The following FANCB variants were observed in gnomAD, a reference collection of about 807,000 sequenced individuals.
FANCB encodes the protein Fanconi anemia group B protein.
In FANCB, 5 loss-of-function variants were observed where a neutral mutation model predicts 38.9. The ratio of observed to expected loss-of-function variants is 0.13; its 90% CI spans 0.07 to 0.27. The LOEUF is 0.27. Ranked by LOEUF, FANCB falls within the 10% of genes least tolerant of loss-of-function variation. FANCB has a pLI of 1.00. For missense variants in FANCB, 573 were observed against 602.7 expected (o/e 0.95, Z 0.52); for synonymous variants, 236 against 215.4 (o/e 1.10, Z -0.84).
At chrX:14,734,919 G>GTT in the FANCB span, among the ~76,000 whole-genome samples, 11 of 96,371 alleles carry the variant, frequency 1.1e-4, no homozygotes, top group East Asian at 2.0e-3. Flanking sequence ...GCTTTGTTCG[G>GTT]TTTTTTTTTT....
chrX:14,782,844 T>G, the FANCB span, among the ~76,000 whole-genome samples: 3 of 111,815 alleles, frequency 2.7e-5, no homozygotes, highest in African/African-American at 9.8e-5. Flanking sequence ...AAATGCAGAT[T>G]CTTATTCTAG....
At chrX:14,697,649 C>T in the FANCB span, among the ~76,000 whole-genome samples, 2 of 111,032 alleles carry the variant, frequency 1.8e-5, no homozygotes, top group African/African-American at 6.6e-5. Flanking sequence ...TGGGTCACTG[C>T]TGCCCCTACT....
At chrX:14,858,955 C>CTTAAATTTG (rs2092434857) in intron 4 of FANCB, among the ~76,000 whole-genome samples, 2 of 110,863 alleles carry the variant, frequency 1.8e-5, no homozygotes, top group East Asian at 5.6e-4. Flanking sequence ...AAGTGACCAC[C>CTTAAATTTG]AAATGTACTA....
chrX:14,811,253 A>T, the FANCB span, among the ~76,000 whole-genome samples: 1 of 111,681 alleles, frequency 9.0e-6, no homozygotes, highest in Non-Finnish European at 1.9e-5. Context: ...AAGAAACTGC[A>T]TCAACTAACA....
chrX:14,693,053 AAAAAG>A, the FANCB span, among the ~76,000 whole-genome samples: 105 of 98,636 alleles, frequency 1.1e-3, no homozygotes, highest in South Asian at 0.014. Context: ...AACAAAAAAA[AAAAAG>A]AAAGAGGGAA....
At chrX:14,699,166 T>C in the FANCB span, among the ~76,000 whole-genome samples, 635 of 112,255 alleles carry the variant, frequency 5.7e-3, 4 homozygotes, top group Non-Finnish European at 8.3e-3. Flanking sequence ...TTTAATGTTA[T>C]CGCCTCTGCT....
chrX:14,859,442 C>A, intron 3 of FANCB, 108 bp from the exon 4 acceptor site: 3 of 525,051 alleles, frequency 5.7e-6, no homozygotes, highest in East Asian at 3.6e-5. Context: ...AAAACTCAAT[C>A]TTATAAATGA....
the FANCB span, among the ~76,000 whole-genome samples, chrX:14,820,444 A>G: frequency 8.9e-6 from 1 of 112,046 alleles, no homozygotes; most frequent in Non-Finnish European, 1.9e-5. Flanking sequence ...TATCCATTGT[A>G]TTGGTATTAT....
At chrX:14,861,802 T>C (rs1437232110) in intron 3 of FANCB, among the ~76,000 whole-genome samples, 3 of 112,366 alleles carry the variant, frequency 2.7e-5, no homozygotes, top group East Asian at 5.5e-4. Flanking sequence ...TTATTTCTAC[T>C]CCCACTTTAT....
At chrX:14,822,813 AT>A in the FANCB span, among the ~76,000 whole-genome samples, 1 of 111,188 alleles carries the variant, frequency 9.0e-6, no homozygotes. Flanking sequence ...TATTAACTTT[AT>A]TTCTAGATTT....
the FANCB span, among the ~76,000 whole-genome samples, chrX:14,762,662 G>C: frequency 2.7e-5 from 3 of 111,965 alleles, no homozygotes; most frequent in African/African-American, 9.7e-5. Flanking sequence ...TCTCCCAAGG[G>C]AAATGACAAC....
At chrX:14,850,364 T>A in intron 7 of FANCB, 141 bp downstream of exon 7, 1 of 544,587 alleles carries the variant, frequency 1.8e-6, no homozygotes, top group Non-Finnish European at 3.2e-6. Flanking sequence ...AAAACAGTAA[T>A]AATAATTTCC....
chrX:14,868,346 T>C (rs1487616413), intron 2 of FANCB, among the ~76,000 whole-genome samples: 1 of 111,880 alleles, frequency 8.9e-6, no homozygotes, highest in Non-Finnish European at 1.9e-5. Flanking sequence ...ATTTGGTGTA[T>C]ATACCAATTT....
chrX:14,693,748 T>C, the FANCB span, among the ~76,000 whole-genome samples: 1 of 111,944 alleles, frequency 8.9e-6, no homozygotes, highest in Non-Finnish European at 1.9e-5. Flanking sequence ...TCTGAGTAAA[T>C]AGAATTAGGC....
chrX:14,758,810 A>C, the FANCB span, among the ~76,000 whole-genome samples: 1 of 111,673 alleles, frequency 9.0e-6, no homozygotes, highest in African/African-American at 3.3e-5. Flanking sequence ...ATATGACAAA[A>C]CAAAGTTCTT....
chrX:14,843,676 A>C lies in FANCB; in HGVS notation c.2471T>G (p.Leu824Trp). Residue 824 changes from leucine to tryptophan, a missense_variant, in exon 10 of 10, where the codon TTG becomes TGG. Coordinates refer to ENST00000650831, the MANE Select transcript of FANCB (RefSeq NM_001018113.3). ...KELQREKKKM[L>W]QTNLKVSGAL... ...ACCACTCACTTTTAGGTTCGTTTGCAACATTTTCTTCTTTTCTCTCTGAAG... is the reference window on the plus strand; with the variant it reads ...ACCACTCACTTTTAGGTTCGTTTGCCACATTTTCTTCTTTTCTCTCTGAAG... 3 of 1,210,479 alleles carry C rather than the reference A, an allele frequency of 2.5e-6. No individual in the cohort carries two copies. Among genetic ancestry groups the C allele is most frequent in the Non-Finnish European group, 3.4e-6 (3 of 894,371 alleles).
At chrX:14,690,790 G>C in the FANCB span, 4 of 1,200,919 alleles carry the variant, frequency 3.3e-6, no homozygotes, top group South Asian at 3.5e-5. Context: ...AATACGCAGC[G>C]GTGAACTTCG....
the FANCB span, among the ~76,000 whole-genome samples, chrX:14,748,595 G>A: frequency 1.4e-4 from 16 of 112,670 alleles, no homozygotes; most frequent in East Asian, 8.3e-4. Context: ...GAGTTCACAC[G>A]ATCTGGATAC....
the FANCB span, among the ~76,000 whole-genome samples, chrX:14,751,650 C>G: frequency 9.0e-6 from 1 of 111,043 alleles, no homozygotes; most frequent in Admixed American, 9.6e-5. Flanking sequence ...CCTGAGAGAC[C>G]CCCAAAGGGC....
Sources: allele counts gnomAD v4.1 joint callset (sites outside exome capture counted in the v4.1 genomes callset), GRCh38; gene constraint gnomAD v4.1.1; transcripts MANE v1.5; gene names NCBI Gene and HGNC (gene_info 2026-07-23, HGNC 2026-07-21).